STRA6: variants seen among roughly 807,000 people sequenced by gnomAD.
The protein encoded by STRA6 is signaling receptor and transporter of retinol STRA6.
A neutral mutation model predicts 83.6 loss-of-function variants in STRA6; 48 were observed. The observed-to-expected ratio is 0.57, with a 90% CI of 0.46 to 0.73. The LOEUF is 0.73. STRA6 is among the 30% of genes least tolerant of loss of function. The pLI, the probability that STRA6 is intolerant of heterozygous loss-of-function variation, is 0.00. For missense variants in STRA6, 760 were observed against 838.8 expected, an observed-to-expected ratio of 0.91 and a Z score of 1.16; for synonymous variants, 353 against 362.3, an observed-to-expected ratio of 0.97 and a Z score of 0.29.
rs368883595 is a variant in STRA6, at chr15:74,181,310, C to A, written c.1669G>T (p.Ala557Ser). 53 of 1,611,668 alleles carry A rather than the reference C, an allele frequency of 3.3e-5. No homozygotes were observed. Among genetic ancestry groups the A allele is most frequent in the Non-Finnish European group, 4.2e-5 (50 of 1,179,500 alleles). ...GTGACCTTACCGGGGTCGAGAGTGG[C>A]GGCTCTCGGTGGCAGCAGGCTGAGG... Reference protein sequence around the residue: ...MDLSLLPPRAATLDPGYYTYR... With the variant: ...MDLSLLPPRASTLDPGYYTYR... The change falls in exon 17 of 19, where the codon GCC (alanine) becomes TCC (serine). Residue 557 changes from alanine to serine, a missense_variant. By Grantham distance (99) the Ala-to-Ser change is moderately conservative. Coordinates refer to ENST00000395105, the MANE Select transcript of STRA6 (RefSeq NM_022369.4).
intron 1 of STRA6, 32 bp downstream of exon 1, chr15:74,202,681 C>T (rs1207164634): frequency 2.0e-5 from 28 of 1,383,718 alleles, no homozygotes; most frequent in Non-Finnish European, 2.3e-5. Flanking sequence ...TTCCCCTTTC[C>T]CAAGCCCACC....
At chr15:74,211,915 C>G (rs548916685), upstream of STRA6, among the ~76,000 whole-genome samples, 1 of 152,266 alleles carries the variant, frequency 6.6e-6, no homozygotes, top group East Asian at 1.9e-4. Context: ...CTATCACTCT[C>G]TCTGTTGTTT....
intron 12 of STRA6, among the ~76,000 whole-genome samples, chr15:74,187,320 C>T (rs1377906673): frequency 6.6e-6 from 1 of 152,246 alleles, no homozygotes; most frequent in Non-Finnish European, 1.5e-5. Flanking sequence ...CTCTGGGATC[C>T]TGTGCCTGCC....
At chr15:74,209,755 G>T, upstream of STRA6, 1 of 336,876 alleles carries the variant, frequency 3.0e-6, no homozygotes, top group Non-Finnish European at 5.4e-6. Flanking sequence ...ATCCTGCAGG[G>T]ATGCAGACAA....
At chr15:74,199,823 G>A (rs1277519616) in intron 2 of STRA6, among the ~76,000 whole-genome samples, 1 of 152,246 alleles carries the variant, frequency 6.6e-6, no homozygotes, top group African/African-American at 2.4e-5. Context: ...ACCTTGGAGA[G>A]GGTGGTGAGC....
upstream of STRA6, among the ~76,000 whole-genome samples, chr15:74,209,922 G>A (rs2074344624): frequency 1.3e-5 from 2 of 152,202 alleles, no homozygotes; most frequent in African/African-American, 4.8e-5. Context: ...AGGAGAAAGG[G>A]AGTGCCATCT....
At position 74,202,175 on chromosome 15, in the gene STRA6, GC is replaced by G; in HGVS notation, c.92del (p.Gly31AlafsTer41). ...CTTACCCCTCTGGCTGGAGCTCCTCGCCCCCCTGGGGCTCATCGATGTACCA... is the reference window on the plus strand; with the variant it reads ...CTTACCCCTCTGGCTGGAGCTCCTCGCCCCCTGGGGCTCATCGATGTACCA... ...GSWYIDEPQG[G>X]EELQPEGEVP... On this transcript the variant is annotated frameshift_variant, in exon 2 of 19. Transcript: ENST00000395105. LOFTEE classifies it high-confidence loss of function. The G allele has an allele frequency of 6.6e-7, 1 of 1,504,778 alleles. No homozygotes were observed. The highest frequency in any genetic ancestry group is 8.9e-7 in the Non-Finnish European group (1 of 1,129,090). The allele number at this position is 1,504,778 out of a possible 1,614,324, so 93.2% of individuals were successfully genotyped here.
At chr15:74,201,222 C>T (rs983431652) in intron 2 of STRA6, among the ~76,000 whole-genome samples, 6 of 152,202 alleles carry the variant, frequency 3.9e-5, no homozygotes, top group African/African-American at 1.4e-4. Flanking sequence ...CAGCCCCAGC[C>T]CCTGGGGAGG....
Position 74,182,442 on chromosome 15 carries a change from A to G in STRA6, c.1319T>C (p.Ile440Thr). ...GGCCGTGGTTCCCAGGAAGAAGATG[A>G]TCTGCTGCACCAGGAGCCCTGCCAG... is the stretch of plus-strand genomic sequence containing the variant. ...FICLGLLVQQ[I>T]IFFLGTTALA... The change falls in exon 15 of 19, where the codon ATC (isoleucine) becomes ACC (threonine). Residue 440 changes from isoleucine (I) to threonine (T), a missense_variant. Physicochemically the swap from Ile to Thr is moderately conservative, Grantham distance 89. Transcript: ENST00000395105. 1 of 1,610,310 alleles carries G rather than the reference A, an allele frequency of 6.2e-7. No individual in the cohort carries two copies. Among genetic ancestry groups the G allele is most frequent in the Non-Finnish European group, 8.5e-7 (1 of 1,178,356 alleles).
intron 12 of STRA6, among the ~76,000 whole-genome samples, chr15:74,186,644 GC>G (rs889878694): frequency 2.0e-5 from 3 of 150,926 alleles, no homozygotes; most frequent in African/African-American, 7.3e-5. Context: ...GGTGGTATGT[GC>G]CTGTAATCCC....
intron 10 of STRA6, 37 bp downstream of exon 10, chr15:74,191,129 TC>T: frequency 1.9e-6 from 3 of 1,610,526 alleles, no homozygotes; most frequent in Non-Finnish European, 2.5e-6. Flanking sequence ...GAGGGTAACG[TC>T]CCCTGTCACG....
At chr15:74,191,333 C>T in intron 9 of STRA6, 90 bp from the exon 10 acceptor site, 2 of 1,606,768 alleles carry the variant, frequency 1.2e-6, no homozygotes, top group South Asian at 1.1e-5. Context: ...TTCCCCTCTG[C>T]CCCTGCCATG....
Position 74,186,570 on chromosome 15 carries a change from G to A in STRA6, c.1091-1515C>T, listed in dbSNP as rs549426335. ...TTGCAGTGAGCCGAGATTGTGCCAC[G>A]GCACTCCACCCTGGGAGACAGAATG... On this transcript the variant is annotated intron_variant, in intron 12 of 18. Transcript: ENST00000395105. 1.4e-4 allele frequency among the ~76,000 whole-genome samples: 21 copies of A among 148,020 alleles called. No individual in the cohort carries two copies. The East Asian group carries it at 1.6e-3, about 11-fold the overall frequency.
rs1003939458 is a variant in STRA6, at chr15:74,188,452, C to T, written c.1090+663G>A. 1.3e-5 allele frequency among the ~76,000 whole-genome samples: 2 copies of T among 152,256 alleles called. No homozygotes were observed. Among genetic ancestry groups the T allele is most frequent in the Non-Finnish European group, 2.9e-5 (2 of 68,044 alleles). On this transcript the variant is annotated intron_variant, in intron 12 of 18. Coordinates refer to ENST00000395105, the MANE Select transcript of STRA6 (RefSeq NM_022369.4). This position sits in a 1 kb window ranked among gnomAD's most constrained non-coding sequence, Gnocchi z 4.5. Reference sequence around the variant, plus strand: ...CCCCGCCTAGGCTTCAGGAGCCCTGCGTTCTCTTGGCTGCACTCTGCCCTG... The same window carrying T: ...CCCCGCCTAGGCTTCAGGAGCCCTGTGTTCTCTTGGCTGCACTCTGCCCTG...
chr15:74,184,592 A>G (rs1051361504), intron 13 of STRA6, among the ~76,000 whole-genome samples: 47 of 152,016 alleles, frequency 3.1e-4, no homozygotes, highest in Non-Finnish European at 6.2e-4. Context: ...TGGCAGGGCC[A>G]CCCCAGCCTC....
chr15:74,188,895 A>G lies in STRA6; in HGVS notation c.1090+220T>C, dbSNP rs2142022007. 6.6e-6 allele frequency among the ~76,000 whole-genome samples: 1 copy of G among 152,300 alleles called. No individual in the cohort carries two copies. The highest frequency in any genetic ancestry group is 1.9e-4 in the East Asian group (1 of 5,180). ...GGGGGAAGATGCCACAGAAGCAGGC[A>G]AGGGACAGGAGCTGCTGAGATGTCC... is the stretch of plus-strand genomic sequence containing the variant. On this transcript the variant is annotated intron_variant, in intron 12 of 18. Coordinates refer to ENST00000395105, the MANE Select transcript of STRA6 (RefSeq NM_022369.4). The surrounding 1 kb of genome is among the most constrained non-coding windows in gnomAD (Gnocchi z 4.5).
chr15:74,182,217 C>T lies in STRA6; in HGVS notation c.1464G>A (p.Met488Ile), dbSNP rs1247028581. The change falls in exon 16 of 19, where the codon ATG becomes ATA. Residue 488 changes from methionine (M) to isoleucine (I), a missense_variant. Coordinates refer to ENST00000395105, the MANE Select transcript of STRA6 (RefSeq NM_022369.4). ...TCTCCAGGAAGACCCAATGGGCTGC[C>T]ATGTTCTGCAGGATCACAGCCAGGG... Reference protein sequence around the residue: ...TLALAVILQNMAAHWVFLETH... With the variant: ...TLALAVILQNIAAHWVFLETH... 6.2e-7 allele frequency: 1 copy of T among 1,614,172 alleles called. No homozygotes were observed. Among genetic ancestry groups the T allele is most frequent in the Non-Finnish European group, 8.5e-7 (1 of 1,180,012 alleles).
chr15:74,196,341 C>T (rs918437985), intron 4 of STRA6, 194 bp from the exon 5 acceptor site: 8 of 881,572 alleles, frequency 9.1e-6, no homozygotes, highest in Middle Eastern at 3.3e-4. Flanking sequence ...GGGCCCCGTG[C>T]CAAAGGGACT....
intron 1 of STRA6, chr15:74,208,712 A>G: frequency 1.0e-6 from 1 of 987,108 alleles, no homozygotes; most frequent in African/African-American, 1.7e-5. Context: ...ACTCCTGCTC[A>G]CTTCCCACCG....
Sources: gnomAD v4.1 joint callset for allele counts (sites outside exome capture counted in the v4.1 genomes callset) on GRCh38, gnomAD v4.1.1 for gene constraint, Gnocchi (gnomAD v3.1) non-coding constraint, MANE v1.5 for transcripts, NCBI Gene and HGNC (gene_info 2026-07-23, HGNC 2026-07-21) for gene names.